The following STK3 variants were observed in gnomAD, a reference collection of about 807,000 sequenced individuals.
STK3 encodes serine/threonine kinase 3.
STK3 carries 41 observed loss-of-function variants against 58.0 expected under a neutral mutation model. That is an observed-to-expected ratio of 0.71 (90% confidence interval 0.55 to 0.92). The LOEUF (loss-of-function observed/expected upper bound fraction) is 0.92, where lower values mean the gene tolerates loss of function less well. Ranked by LOEUF, STK3 falls within the 40% of genes least tolerant of loss-of-function variation. The pLI is 0.00. For missense variants in STK3, 479 were observed against 602.7 expected, an observed-to-expected ratio of 0.79 and a Z score of 2.15; for synonymous variants, 170 against 191.0, an observed-to-expected ratio of 0.89 and a Z score of 0.91.
intron 6 of STK3, among the ~76,000 whole-genome samples, chr8:98,602,970 T>C (rs1184499955): frequency 1.3e-5 from 2 of 151,884 alleles, no homozygotes; most frequent in Admixed American, 1.3e-4. Flanking sequence ...TACCAAGATC[T>C]TGGCTTCTAA....
At chr8:98,832,818 A>G (rs974790390) in intron 3 of STK3, among the ~76,000 whole-genome samples, 1 of 152,182 alleles carries the variant, frequency 6.6e-6, no homozygotes, top group African/African-American at 2.4e-5. Context: ...GAGGACAAAT[A>G]TGGCCACCAA....
intron 6 of STK3, among the ~76,000 whole-genome samples, chr8:98,653,522 C>CA (rs1821166213): frequency 6.6e-6 from 1 of 151,888 alleles, no homozygotes; most frequent in South Asian, 2.1e-4. Flanking sequence ...AAAAACCCTT[C>CA]AAAAAATTAA....
Position 98,869,067 on chromosome 8 carries a change from GAAGGAAGGAAGGAAGGAGAGAA to G in STK3, c.110+14558_110+14579del, listed in dbSNP as rs1247103512. On this transcript the variant is annotated intron_variant, in intron 3 of 12. Transcript: ENST00000523601. Reference sequence around the variant, plus strand: ...GGAAGGAAGGAAGGAAGGAAGGAAGGAAGGAAGGAAGGAAGGAGAGAAAGAGAAAATAGAAAAGAAAAGGAGT... The same window carrying G: ...GGAAGGAAGGAAGGAAGGAAGGAAGGAGAGAAAATAGAAAAGAAAAGGAGT... Among the ~76,000 whole-genome samples the G allele has an allele frequency of 2.0e-3, 296 of 150,244 alleles. 5 individuals carry two copies. Among genetic ancestry groups the G allele is most frequent in the African/African-American group, 6.6e-3 (266 of 40,448 alleles).
At chr8:98,419,642 T>C (rs1818149219) in intron 3 of STK3, among the ~76,000 whole-genome samples, 1 of 152,200 alleles carries the variant, frequency 6.6e-6, no homozygotes, top group Non-Finnish European at 1.5e-5. Context: ...AATGAGGACT[T>C]TCCTGTGCCC....
intron 4 of STK3, among the ~76,000 whole-genome samples, chr8:98,713,111 A>T (rs1310558187): frequency 6.6e-6 from 1 of 152,196 alleles, no homozygotes; most frequent in Non-Finnish European, 1.5e-5. Context: ...AACATACCAG[A>T]ATCTCCGGGA....
At chr8:98,521,900 T>C (rs982300523) in intron 10 of STK3, among the ~76,000 whole-genome samples, 17 of 152,180 alleles carry the variant, frequency 1.1e-4, no homozygotes, top group Admixed American at 1.0e-3. Context: ...CTCCCTCTTA[T>C]TCAAAACCAC....
chr8:98,377,037 C>T (rs2130996091), intron 2 of STK3, among the ~76,000 whole-genome samples: 1 of 152,316 alleles, frequency 6.6e-6, no homozygotes, highest in South Asian at 2.1e-4. Flanking sequence ...TTCCTTCCCT[C>T]TTTCAGGGCC....
intron 1 of STK3, among the ~76,000 whole-genome samples, chr8:98,920,376 A>G (rs1386266300): frequency 5.9e-5 from 9 of 152,206 alleles, no homozygotes; most frequent in Admixed American, 5.9e-4. Flanking sequence ...CAGTAATGAG[A>G]CATAAACAGT....
intron 6 of STK3, among the ~76,000 whole-genome samples, chr8:98,605,603 T>C (rs757297901): frequency 3.3e-5 from 5 of 152,084 alleles, no homozygotes; most frequent in Non-Finnish European, 7.4e-5. Context: ...CAGCTATCCG[T>C]CTATACTAGT....
intron 6 of STK3, among the ~76,000 whole-genome samples, chr8:98,668,019 TAC>T (rs768391381): frequency 6.6e-5 from 10 of 152,160 alleles, no homozygotes; most frequent in Admixed American, 2.6e-4. Context: ...AGTTGTTTAA[TAC>T]AGTTTCAGTG....
At position 98,417,291 on chromosome 8, in the gene STK3, G is replaced by A. The variant is rs556475736; in HGVS notation, n.484-15778C>T. 6.0e-4 allele frequency among the ~76,000 whole-genome samples: 91 copies of A among 152,230 alleles called. 1 individual carries two copies. The Middle Eastern group carries it at 0.014, about 23-fold the overall frequency. ...GAACTTTGGGAGGCCGAGGTGGGTGGATCACGAGGTCAGGAGTTTGAGACC... is the reference window on the plus strand; with the variant it reads ...GAACTTTGGGAGGCCGAGGTGGGTGAATCACGAGGTCAGGAGTTTGAGACC... On this transcript the variant is annotated intron_variant and non_coding_transcript_variant, in intron 3 of 3. Coordinates refer to the STK3 transcript ENST00000517832.
chr8:98,692,579 A>G (rs765213968), intron 6 of STK3, among the ~76,000 whole-genome samples: 13 of 152,192 alleles, frequency 8.5e-5, no homozygotes, highest in Non-Finnish European at 1.5e-4. Flanking sequence ...GGATATGGAG[A>G]ATTATTGTTT....
chr8:98,412,094 T>TGCTCCTCATTATCCAAGC (rs1331695525), intron 3 of STK3, among the ~76,000 whole-genome samples: 1 of 152,234 alleles, frequency 6.6e-6, no homozygotes, highest in East Asian at 1.9e-4. Context: ...TTGATCCAAG[T>TGCTCCTCATTATCCAAGC]GCTTCTCATT....
chr8:98,670,527 A>C (rs924662778), intron 6 of STK3, among the ~76,000 whole-genome samples: 1 of 152,216 alleles, frequency 6.6e-6, no homozygotes, highest in Non-Finnish European at 1.5e-5. Flanking sequence ...TAGAGGCAGG[A>C]AGCAGAAAAA....
chr8:98,767,140 A>G, intron 3 of STK3, 103 bp downstream of exon 3: 1 of 1,333,490 alleles, frequency 7.5e-7, no homozygotes, highest in Non-Finnish European at 9.9e-7. Context: ...GAAAAGAAAA[A>G]GAAATGAAAA....
chr8:98,850,453 A>G (rs1327280037), intron 3 of STK3, among the ~76,000 whole-genome samples: 1 of 152,202 alleles, frequency 6.6e-6, no homozygotes, highest in Non-Finnish European at 1.5e-5. Context: ...GAAAATTACA[A>G]TAAGATGATA....
the STK3 span, among the ~76,000 whole-genome samples, chr8:98,357,924 G>A: frequency 2.0e-5 from 3 of 152,128 alleles, no homozygotes; most frequent in African/African-American, 7.2e-5. Context: ...AGCATCTGGG[G>A]CTCAGCTTCA....
intron 1 of STK3, among the ~76,000 whole-genome samples, chr8:98,802,126 T>G (rs910823910): frequency 7.2e-5 from 11 of 152,180 alleles, no homozygotes; most frequent in Non-Finnish European, 1.5e-4. Flanking sequence ...GAGCTATGAC[T>G]GTGCCACTGC....
chr8:98,391,341 G>A (rs1381992684), upstream of STK3: 2 of 152,166 alleles, frequency 1.3e-5, no homozygotes, highest in Admixed American at 6.5e-5. Context: ...TTTAGTCTGG[G>A]ACCTGGGCAA....
Sources: gnomAD v4.1 joint callset for allele counts (sites outside exome capture counted in the v4.1 genomes callset) on GRCh38, gnomAD v4.1.1 for gene constraint, MANE v1.5 for transcripts, NCBI Gene and HGNC (gene_info 2026-07-23, HGNC 2026-07-21) for gene names.